The following RNF13 variants were observed in gnomAD, a reference collection of about 807,000 sequenced individuals.
The protein encoded by RNF13 is E3 ubiquitin-protein ligase RNF13.
A neutral mutation model predicts 37.7 loss-of-function variants in RNF13; 19 were observed. The ratio of observed to expected loss-of-function variants is 0.50; its 90% confidence interval spans 0.35 to 0.74. RNF13 has a LOEUF of 0.74. RNF13 is among the 30% of genes least tolerant of loss of function. RNF13 has a pLI of 0.01. For synonymous variants in RNF13, 144 were observed against 157.8 expected (o/e 0.91, Z 0.65); for missense variants, 375 against 453.0 (o/e 0.83, Z 1.56).
chr3:149,880,737 T>C (rs1215218873), intron 4 of RNF13, among the ~76,000 whole-genome samples: 1 of 152,216 alleles, frequency 6.6e-6, no homozygotes, highest in Non-Finnish European at 1.5e-5. Flanking sequence ...AATAGCCACA[T>C]TCAAAGACCT....
intron 1 of RNF13, among the ~76,000 whole-genome samples, chr3:149,813,621 C>T (rs1719128968): frequency 6.6e-6 from 1 of 152,178 alleles, no homozygotes; most frequent in Admixed American, 6.5e-5. Flanking sequence ...TCTCTCATTC[C>T]CTTCTTGAGG....
rs979848079 is a variant in RNF13, at chr3:149,893,910, G to A, written c.322-1563G>A. The A allele has an allele frequency of 1.1e-4, 16 of 152,218 alleles. No homozygotes were observed. The Middle Eastern group carries it at 0.01, about 97-fold the overall frequency. The allele number at this position is 152,218 out of a possible 1,614,324, so 9.4% of individuals were successfully genotyped here. A position where few individuals can be genotyped will look rare whatever the true frequency, so the allele number is the denominator to read the frequency against. On this transcript the variant is annotated intron_variant, in intron 4 of 9. Coordinates refer to ENST00000392894, the MANE Select transcript of RNF13 (RefSeq NM_183381.3). ...TTCCTACAGTAGAGCAGTAAGTCCT[G>A]TGCCAACAAACAATTTATATTATTT...
At chr3:149,906,651 T>G (rs1699051530) in intron 6 of RNF13, among the ~76,000 whole-genome samples, 2 of 145,426 alleles carry the variant, frequency 1.4e-5, no homozygotes, top group Admixed American at 6.8e-5. Context: ...TCTGCTTTTT[T>G]TTTTTTTTTT....
intron 3 of RNF13, among the ~76,000 whole-genome samples, chr3:149,862,530 A>G (rs1724368006): frequency 6.6e-6 from 1 of 152,052 alleles, no homozygotes; most frequent in Non-Finnish European, 1.5e-5. Context: ...TTGTGCTTCC[A>G]TTTAAATTTT....
chr3:149,881,577 C>T (rs770425062), intron 4 of RNF13, among the ~76,000 whole-genome samples: 1 of 152,176 alleles, frequency 6.6e-6, no homozygotes, highest in Non-Finnish European at 1.5e-5. Context: ...GTGATCCACC[C>T]ACCTCGGCCT....
At chr3:149,815,346 T>C (rs2108300471) in intron 1 of RNF13, among the ~76,000 whole-genome samples, 1 of 152,336 alleles carries the variant, frequency 6.6e-6, no homozygotes, top group East Asian at 1.9e-4. Context: ...TCAACTATCA[T>C]GGTATGTTTT....
At chr3:149,822,158 T>C (rs775409455) in intron 1 of RNF13, among the ~76,000 whole-genome samples, 4 of 152,176 alleles carry the variant, frequency 2.6e-5, no homozygotes, top group Non-Finnish European at 4.4e-5. Context: ...AATTTGAGAA[T>C]CAGCTTTTCC....
intron 1 of RNF13, among the ~76,000 whole-genome samples, chr3:149,832,616 T>C (rs1721175648): frequency 1.3e-5 from 2 of 151,948 alleles, no homozygotes; most frequent in South Asian, 4.1e-4. Context: ...TTAAAAAAAA[T>C]CTATGAAATT....
chr3:149,931,211 G>A (rs1017306671), intron 8 of RNF13, among the ~76,000 whole-genome samples: 1 of 151,904 alleles, frequency 6.6e-6, no homozygotes, highest in Admixed American at 6.6e-5. Context: ...CTACAGGTGT[G>A]CACCACTGTG....
At chr3:149,839,921 C>A (rs1722001316) in intron 1 of RNF13, among the ~76,000 whole-genome samples, 1 of 152,178 alleles carries the variant, frequency 6.6e-6, no homozygotes, top group African/African-American at 2.4e-5. Context: ...TTTCCTCATT[C>A]TGTCCTCTTG....
chr3:149,877,472 C>CTTTTTTTTTTTTTTTTTTT (rs369676407), intron 4 of RNF13, among the ~76,000 whole-genome samples: 3 of 101,486 alleles, frequency 3.0e-5, no homozygotes, highest in East Asian at 2.8e-4. Context: ...TTCTTTCTGT[C>CTTTTTTTTTTTTTTTTTTT]TTTTTTTTTT....
intron 8 of RNF13, among the ~76,000 whole-genome samples, chr3:149,953,074 A>G (rs1346686801): frequency 1.3e-5 from 2 of 152,212 alleles, no homozygotes; most frequent in African/African-American, 4.8e-5. Context: ...AAAGAGTAAT[A>G]TATAGAATGA....
At chr3:149,939,917 G>T in intron 8 of RNF13, 17 of 272,752 alleles carry the variant, frequency 6.2e-5, no homozygotes, top group East Asian at 9.8e-5. Context: ...ATTTAAAGTG[G>T]GTTTCTTTTC....
intron 8 of RNF13, among the ~76,000 whole-genome samples, chr3:149,945,794 C>T (rs1720718932): frequency 6.6e-6 from 1 of 152,190 alleles, no homozygotes; most frequent in African/African-American, 2.4e-5. Context: ...GCTGCTGATA[C>T]CCAGGCAAAA....
intron 1 of RNF13, among the ~76,000 whole-genome samples, chr3:149,816,881 G>GA (rs1719513259): frequency 6.6e-6 from 1 of 152,152 alleles, no homozygotes; most frequent in Non-Finnish European, 1.5e-5. Flanking sequence ...TCGTAGTGAA[G>GA]GTATAGATTT....
intron 4 of RNF13, 58 bp downstream of exon 4, chr3:149,872,212 C>G (rs1178474558): frequency 1.9e-6 from 2 of 1,074,964 alleles, no homozygotes; most frequent in Non-Finnish European, 2.6e-6. Flanking sequence ...TAATTTAAAT[C>G]ATTTACATCC....
chr3:149,890,296 A>AC (rs1382612475), intron 4 of RNF13, among the ~76,000 whole-genome samples: 4 of 152,236 alleles, frequency 2.6e-5, no homozygotes, highest in Non-Finnish European at 4.4e-5. Flanking sequence ...AGCCATGTCA[A>AC]CCCCTTATTC....
chr3:149,875,569 A>C (rs546401236), intron 4 of RNF13, among the ~76,000 whole-genome samples: 1 of 152,320 alleles, frequency 6.6e-6, no homozygotes, highest in African/African-American at 2.4e-5. Flanking sequence ...TGCAATTAAC[A>C]ATTCCTGGAG....
At chr3:149,863,039 G>A (rs1309843621) in intron 3 of RNF13, among the ~76,000 whole-genome samples, 1 of 152,152 alleles carries the variant, frequency 6.6e-6, no homozygotes, top group Non-Finnish European at 1.5e-5. Flanking sequence ...CCCTTATTAA[G>A]GTATTGTAAT....
Sources: gnomAD v4.1 joint callset for allele counts (sites outside exome capture counted in the v4.1 genomes callset) on GRCh38, gnomAD v4.1.1 for gene constraint, MANE v1.5 for transcripts, NCBI Gene and HGNC (gene_info 2026-07-23, HGNC 2026-07-21) for gene names.